PIK3C2A: variants seen among roughly 807,000 people sequenced by gnomAD.
PIK3C2A encodes the protein phosphatidylinositol-4-phosphate 3-kinase catalytic subunit type 2 alpha.
PIK3C2A carries 97 observed loss-of-function variants against 204.5 expected under a neutral mutation model. The ratio of observed to expected loss-of-function variants is 0.47; its 90% confidence interval spans 0.40 to 0.56. PIK3C2A has a LOEUF of 0.56. Ranked by LOEUF, PIK3C2A falls within the 20% of genes least tolerant of loss-of-function variation. The probability of loss-of-function intolerance (pLI) is 0.00; values close to 1 mark genes in which losing one functional copy is unlikely to be tolerated. For missense variants in PIK3C2A, 1,735 were observed against 1,969.2 expected (o/e 0.88, Z 2.25); for synonymous variants, 653 against 664.4 (o/e 0.98, Z 0.26).
chr11:17,170,638 C>T (rs186766515), intron 1 of PIK3C2A, among the ~76,000 whole-genome samples: 4 of 152,084 alleles, frequency 2.6e-5, no homozygotes, highest in East Asian at 1.9e-4. Context: ...AAAATTTATA[C>T]TCCTCTATTT....
intron 1 of PIK3C2A, among the ~76,000 whole-genome samples, chr11:17,195,528 T>C (rs571460446): frequency 2.0e-5 from 3 of 150,908 alleles, no homozygotes; most frequent in Admixed American, 1.3e-4. Context: ...AAAACCAGTC[T>C]GGCCAACATG....
chr11:17,182,541 C>A (rs1851600036), intron 1 of PIK3C2A, among the ~76,000 whole-genome samples: 1 of 144,806 alleles, frequency 6.9e-6, no homozygotes, highest in Non-Finnish European at 1.5e-5. Flanking sequence ...GTACTTCAGC[C>A]TGGACGACAG....
chr11:17,205,919 G>C (rs1371074358), intron 1 of PIK3C2A, among the ~76,000 whole-genome samples: 1 of 152,134 alleles, frequency 6.6e-6, no homozygotes, highest in African/African-American at 2.4e-5. Flanking sequence ...TCAGGAGTTC[G>C]AGACTAGCCT....
intron 1 of PIK3C2A, among the ~76,000 whole-genome samples, chr11:17,198,346 G>C (rs931612731): frequency 3.9e-5 from 5 of 129,002 alleles, no homozygotes; most frequent in African/African-American, 5.9e-5. Context: ...CTGACCTCAG[G>C]TGATCCACCC....
intron 1 of PIK3C2A, among the ~76,000 whole-genome samples, chr11:17,195,686 T>C (rs1232096196): frequency 1.3e-5 from 2 of 150,102 alleles, no homozygotes; most frequent in Non-Finnish European, 3.0e-5. Context: ...GAGGTTGCAG[T>C]GAGCCAATAT....
In PIK3C2A at chr11:17,148,342, T is replaced by C. The variant is rs373509035; in HGVS notation, c.1448+325A>G. On this transcript the variant is annotated intron_variant, in intron 5 of 32. Coordinates refer to ENST00000691414, the MANE Select transcript of PIK3C2A (RefSeq NM_002645.4). ...AACAGTGCATGTTGCAAGAGGAATATAGTCTATAATGATGTGACTATTGAC... is the reference window on the plus strand; with the variant it reads ...AACAGTGCATGTTGCAAGAGGAATACAGTCTATAATGATGTGACTATTGAC... 3.4e-4 allele frequency: 66 copies of C among 196,326 alleles called. 1 individual carries two copies. In the South Asian group the frequency reaches 9.6e-3, roughly 29 times the overall value. 12.2% of individuals were successfully genotyped at this position (196,326 alleles called of 1,614,324 possible).
chr11:17,172,366 GA>G (rs555589763), intron 1 of PIK3C2A, among the ~76,000 whole-genome samples: 13 of 152,300 alleles, frequency 8.5e-5, no homozygotes, highest in African/African-American at 3.1e-4. Context: ...CTGAGGATGA[GA>G]GGGGCCAGCT....
intron 8 of PIK3C2A, among the ~76,000 whole-genome samples, chr11:17,140,399 T>C (rs1056174437): frequency 9.2e-5 from 14 of 152,144 alleles, no homozygotes; most frequent in African/African-American, 3.1e-4. Context: ...CCAAAAATTA[T>C]AAAGTTTAAG....
In PIK3C2A at chr11:17,122,323, G is replaced by A. The variant is rs1334700705; in HGVS notation, c.2522C>T (p.Pro841Leu). 7 of 1,539,982 alleles carry A rather than the reference G, an allele frequency of 4.5e-6. No homozygotes were observed. Among genetic ancestry groups the A allele is most frequent in the African/African-American group, 1.4e-5 (1 of 72,834 alleles). ...MERIVLQVDF[P>L]SPAFDIIYTT... ...ATAAATAATATCAAATGCAGGAGAAGGAAAATCAACCTTTAAAATTTAACA... is the reference window on the plus strand; with the variant it reads ...ATAAATAATATCAAATGCAGGAGAAAGAAAATCAACCTTTAAAATTTAACA... Residue 841 changes from proline to leucine, a missense_variant, in exon 15 of 33, where the codon CCT (proline) becomes CTT (leucine). Physicochemically the swap from Pro to Leu is moderately conservative, Grantham distance 98 (BLOSUM62 -3). This residue lies in a region of PIK3C2A where 567 missense variants were observed against 576.0 expected (regional missense o/e 0.98). Coordinates refer to ENST00000691414, the MANE Select transcript of PIK3C2A (RefSeq NM_002645.4).
At chr11:17,122,367 G>T (rs374102319) in intron 14 of PIK3C2A, 34 bp from the exon 15 acceptor site, 1 of 1,380,758 alleles carries the variant, frequency 7.2e-7, no homozygotes, top group Non-Finnish European at 1.0e-6. Flanking sequence ...TCAAATTACA[G>T]TCTACGTATT....
At chr11:17,108,135 G>T (rs1270734967) in intron 22 of PIK3C2A, among the ~76,000 whole-genome samples, 4 of 152,220 alleles carry the variant, frequency 2.6e-5, no homozygotes, top group Admixed American at 2.0e-4. Flanking sequence ...GCCTCCCAAA[G>T]TGCTGGGATT....
intron 1 of PIK3C2A, among the ~76,000 whole-genome samples, chr11:17,197,206 G>C (rs1321941443): frequency 6.6e-6 from 1 of 152,136 alleles, no homozygotes; most frequent in Middle Eastern, 3.4e-3. Context: ...TTTTAGTAGA[G>C]ATGCGGTTTC....
At chr11:17,203,332 G>C (rs894912201) in intron 1 of PIK3C2A, among the ~76,000 whole-genome samples, 1 of 127,016 alleles carries the variant, frequency 7.9e-6, no homozygotes, top group African/African-American at 2.9e-5. Flanking sequence ...ATCTCTATTA[G>C]AAAAAAAAAA....
intron 1 of PIK3C2A, among the ~76,000 whole-genome samples, chr11:17,197,428 T>C (rs550667): frequency 0.57 from 86,835 of 151,906 alleles, 25,137 homozygotes; most frequent in East Asian, 0.82. Flanking sequence ...CAAAAGGCAA[T>C]GGTTGCACCA....
intron 18 of PIK3C2A, among the ~76,000 whole-genome samples, chr11:17,118,202 G>C (rs1849265641): frequency 6.6e-6 from 1 of 151,270 alleles, no homozygotes; most frequent in South Asian, 2.1e-4. Context: ...ATCCCAACTA[G>C]CTGGGACCAC....
chr11:17,190,112 A>G (rs1035588759), intron 1 of PIK3C2A, among the ~76,000 whole-genome samples: 13 of 151,904 alleles, frequency 8.6e-5, no homozygotes, highest in African/African-American at 3.1e-4. Flanking sequence ...AAAATACAAA[A>G]ATTAGCTGGG....
intron 8 of PIK3C2A, among the ~76,000 whole-genome samples, chr11:17,136,924 ATTT>A (rs1416436890): frequency 6.6e-6 from 1 of 152,106 alleles, no homozygotes; most frequent in East Asian, 1.9e-4. Context: ...AACTAGAGCT[ATTT>A]TTTTCTTATT....
At position 17,169,043 on chromosome 11, in the gene PIK3C2A, T is replaced by C. The variant is rs754446356; in HGVS notation, c.699A>G (p.Thr233=). The C allele has an allele frequency of 6.2e-7, 1 of 1,614,016 alleles. No individual in the cohort carries two copies. Among genetic ancestry groups the C allele is most frequent in the Non-Finnish European group, 8.5e-7 (1 of 1,179,992 alleles). The change falls in exon 2 of 33, where the codon ACA becomes ACG. Residue 233 remains threonine, a synonymous_variant. Coordinates refer to ENST00000691414, the MANE Select transcript of PIK3C2A (RefSeq NM_002645.4). ...MAKLFDKIAS[T]SEFLKNGKAR... ...CTTTCCCATTTTTTAAAAATTCTGA[T>C]GTACTAGCTATTTTGTCAAATAGTT...
intron 2 of PIK3C2A, among the ~76,000 whole-genome samples, chr11:17,166,588 T>C (rs973942209): frequency 3.9e-5 from 6 of 152,240 alleles, no homozygotes; most frequent in Non-Finnish European, 7.3e-5. Context: ...AGACAATCTA[T>C]TGTAGCTACA....
Sources: gnomAD v4.1 joint callset for allele counts (sites outside exome capture counted in the v4.1 genomes callset) on GRCh38, gnomAD v4.1.1 for gene constraint, gnomAD v4.1.1 regional missense constraint, MANE v1.5 for transcripts, NCBI Gene and HGNC (gene_info 2026-07-23, HGNC 2026-07-21) for gene names.